Variants in ADAM19 observed in about 807,000 individuals in gnomAD.
ADAM19 encodes ADAM metallopeptidase domain 19.
A neutral mutation model predicts 114.7 loss-of-function variants in ADAM19; 65 were observed. That is an observed-to-expected ratio of 0.57 (90% confidence interval 0.46 to 0.70). The LOEUF is 0.70. ADAM19 is among the 30% of genes least tolerant of loss of function. ADAM19 has a pLI of 0.00. For synonymous variants in ADAM19, 466 were observed against 460.5 expected, an observed-to-expected ratio of 1.01 and a Z score of -0.15; for missense variants, 1,063 against 1,204.7, an observed-to-expected ratio of 0.88 and a Z score of 1.74.
At chr5:157,481,700 G>A in intron 22 of ADAM19, 91 bp downstream of exon 22, 1 of 1,551,814 alleles carries the variant, frequency 6.4e-7, no homozygotes, top group Non-Finnish European at 8.7e-7. Context: ...ACCACAAGAA[G>A]CATGAATTGC....
At chr5:157,512,770 G>A (rs1755961097) in intron 8 of ADAM19, among the ~76,000 whole-genome samples, 2 of 152,210 alleles carry the variant, frequency 1.3e-5, no homozygotes, top group African/African-American at 4.8e-5. Flanking sequence ...TAACTTTACA[G>A]ATGGAGACTT....
chr5:157,510,762 C>T lies in ADAM19; in HGVS notation c.739-1295G>A, dbSNP rs1001397464. Among the ~76,000 whole-genome samples the T allele has an allele frequency of 9.2e-5, 14 of 152,128 alleles. 1 individual carries two copies. Among genetic ancestry groups the T allele is most frequent in the South Asian group, 8.3e-4 (4 of 4,828 alleles). Reference sequence around the variant, plus strand: ...TCTTTATTGCTGAATAATATTCTTTCGTATGGATATACCAAATTATATTAA... The same window carrying T: ...TCTTTATTGCTGAATAATATTCTTTTGTATGGATATACCAAATTATATTAA... On this transcript the variant is annotated intron_variant, in intron 8 of 22. Transcript: ENST00000257527.
intron 11 of ADAM19, 82 bp downstream of exon 11, chr5:157,505,587 G>A: frequency 6.7e-7 from 1 of 1,488,326 alleles, no homozygotes; most frequent in Non-Finnish European, 9.1e-7. Flanking sequence ...TCTCAGTGGG[G>A]CCAGCTGGGA....
chr5:157,493,514 G>A (rs777316795), intron 15 of ADAM19, among the ~76,000 whole-genome samples: 1 of 152,064 alleles, frequency 6.6e-6, no homozygotes, highest in South Asian at 2.1e-4. Context: ...AGAAATCTGG[G>A]GTCATCTCCA....
At position 157,567,015 on chromosome 5, in the gene ADAM19, G is replaced by C. The variant is rs139756186; in HGVS notation, c.181-2572C>G. Among the ~76,000 whole-genome samples the C allele has an allele frequency of 2.4e-3, 370 of 152,298 alleles. 1 individual carries two copies. Among genetic ancestry groups the C allele is most frequent in the African/African-American group, 8.2e-3 (341 of 41,556 alleles). On this transcript the variant is annotated intron_variant, in intron 2 of 22. Transcript: ENST00000257527. ...CTTTCAATCCACAAAATCATTGCTA[G>C]AGTAGAGCTTCTAGCCCTTCTAAGG...
chr5:157,574,922 G>A (rs540909538), intron 1 of ADAM19, among the ~76,000 whole-genome samples: 15 of 152,332 alleles, frequency 9.8e-5, no homozygotes, highest in African/African-American at 3.1e-4. Context: ...GTGCCACCGC[G>A]GACCTCAACC....
At chr5:157,492,825 T>A (rs755824960) in intron 16 of ADAM19, 148 bp downstream of exon 16, 99 of 764,808 alleles carry the variant, frequency 1.3e-4, no homozygotes, top group Non-Finnish European at 1.9e-4. Flanking sequence ...GGGTGCCTGC[T>A]GTCACTATAC....
chr5:157,516,280 C>A (rs1054266172), intron 7 of ADAM19, among the ~76,000 whole-genome samples: 1 of 152,146 alleles, frequency 6.6e-6, no homozygotes, highest in Non-Finnish European at 1.5e-5. Flanking sequence ...TGAGCACGTT[C>A]CCTTATCCAC....
intron 3 of ADAM19, among the ~76,000 whole-genome samples, chr5:157,543,154 C>G (rs1756963766): frequency 1.3e-5 from 2 of 152,180 alleles, no homozygotes; most frequent in African/African-American, 2.4e-5. Context: ...ACAAATACGT[C>G]TTAGTTTCCC....
At chr5:157,491,206 T>G (rs1035182454) in intron 18 of ADAM19, among the ~76,000 whole-genome samples, 1 of 152,172 alleles carries the variant, frequency 6.6e-6, no homozygotes. Flanking sequence ...TATAAAATTT[T>G]CTGAGTGTCT....
At chr5:157,570,001 T>C (rs1340472528) in intron 2 of ADAM19, among the ~76,000 whole-genome samples, 2 of 152,222 alleles carry the variant, frequency 1.3e-5, no homozygotes, top group Non-Finnish European at 2.9e-5. Context: ...GGCTGACGCC[T>C]GTAATCCCAA....
chr5:157,556,722 A>G (rs938135613), intron 3 of ADAM19, among the ~76,000 whole-genome samples: 2 of 152,196 alleles, frequency 1.3e-5, no homozygotes, highest in African/African-American at 4.8e-5. Context: ...GCTATGCCCA[A>G]TACTGGGTAA....
rs886127625 is a variant in ADAM19, at chr5:157,477,447, C to T, written c.*3502G>A. ...GACAAGAGAGAAGAAGATCTGTTTTCCGTGAACAATCTCCCAAATAAAAAG... is the reference window on the plus strand; with the variant it reads ...GACAAGAGAGAAGAAGATCTGTTTTTCGTGAACAATCTCCCAAATAAAAAG... On this transcript the variant is annotated 3_prime_UTR_variant, in exon 23 of 23. Transcript: ENST00000257527. The T allele has an allele frequency of 4.4e-5, 45 of 1,034,448 alleles. No individual in the cohort carries two copies. Among genetic ancestry groups the T allele is most frequent in the Non-Finnish European group, 5.3e-5 (45 of 856,396 alleles). 64.1% of individuals were successfully genotyped at this position (1,034,448 alleles called of 1,614,324 possible).
chr5:157,545,784 A>G lies in ADAM19; in HGVS notation c.252-7793T>C, dbSNP rs78468979. 4.9e-3 allele frequency among the ~76,000 whole-genome samples: 740 copies of G among 152,358 alleles called. 5 individuals carry two copies. Among genetic ancestry groups the G allele is most frequent in the Non-Finnish European group, 8.1e-3 (549 of 68,030 alleles). ...AGACAAGCCAAGAGTTGGGCCATCC[A>G]GACACACCCAGTAGGCAGAGAGAAA... On this transcript the variant is annotated intron_variant, in intron 3 of 22. Coordinates refer to ENST00000257527, the MANE Select transcript of ADAM19 (RefSeq NM_033274.5).
chr5:157,573,057 C>T (rs1212266297), intron 1 of ADAM19, among the ~76,000 whole-genome samples: 1 of 152,150 alleles, frequency 6.6e-6, no homozygotes, highest in Non-Finnish European at 1.5e-5. Context: ...AGACAAGCAT[C>T]GCTCTTGCCC....
chr5:157,572,513 AGTT>A (rs2113803555), intron 1 of ADAM19, among the ~76,000 whole-genome samples: 1 of 152,306 alleles, frequency 6.6e-6, no homozygotes, highest in African/African-American at 2.4e-5. Context: ...AGATGGCCAT[AGTT>A]GTTCTGTTAG....
intron 13 of ADAM19, among the ~76,000 whole-genome samples, chr5:157,499,265 AATT>A (rs1035801860): frequency 3.3e-5 from 5 of 152,262 alleles, no homozygotes; most frequent in Non-Finnish European, 7.3e-5. Flanking sequence ...AAATGATGAT[AATT>A]ATTATTGTTT....
chr5:157,562,806 GT>G (rs1757545374), intron 3 of ADAM19, among the ~76,000 whole-genome samples: 1 of 152,184 alleles, frequency 6.6e-6, no homozygotes, highest in Non-Finnish European at 1.5e-5. Context: ...TGTAGCAAAT[GT>G]TTCAAAATAG....
chr5:157,492,575 T>C (rs1220026807), intron 16 of ADAM19, among the ~76,000 whole-genome samples: 2 of 152,224 alleles, frequency 1.3e-5, no homozygotes, highest in Non-Finnish European at 2.9e-5. Flanking sequence ...AAAATAATGA[T>C]GGTGACAGTA....
Sources: allele counts gnomAD v4.1 joint callset (sites outside exome capture counted in the v4.1 genomes callset), GRCh38; gene constraint gnomAD v4.1.1; transcripts MANE v1.5; gene names NCBI Gene and HGNC (gene_info 2026-07-23, HGNC 2026-07-21).